Variants in UVRAG observed in about 807,000 individuals in gnomAD.
UVRAG encodes the protein UV radiation resistance-associated gene protein.
In UVRAG, 19 loss-of-function variants were observed where a neutral mutation model predicts 78.0. The observed-to-expected ratio is 0.24, with a 90% confidence interval of 0.17 to 0.36. The LOEUF is 0.36. Among genes scored for constraint, UVRAG ranks in the 10% least tolerant of loss-of-function variants. The pLI is 1.00. For synonymous variants in UVRAG, 323 were observed against 324.6 expected (o/e 1.00, Z 0.05); for missense variants, 740 against 853.8 (o/e 0.87, Z 1.66).
chr11:76,066,934 G>A (rs993470730), intron 13 of UVRAG, among the ~76,000 whole-genome samples: 4 of 152,062 alleles, frequency 2.6e-5, no homozygotes, highest in African/African-American at 9.7e-5. Flanking sequence ...TAAGATTTAC[G>A]ATGCTTTTGT....
chr11:75,998,054 A>G (rs3098810), intron 8 of UVRAG, among the ~76,000 whole-genome samples: 59,489 of 152,086 alleles, frequency 0.39, 14,027 homozygotes, highest in Non-Finnish European at 0.52. Context: ...AACTCTACTC[A>G]AGAGTGAAAT....
intron 14 of UVRAG, among the ~76,000 whole-genome samples, chr11:76,131,917 C>G (rs551882237): frequency 6.6e-5 from 10 of 152,306 alleles, no homozygotes; most frequent in African/African-American, 2.2e-4. Context: ...GGATAAATCC[C>G]AACCTTTGCT....
At chr11:76,032,533 A>G (rs753708664) in intron 12 of UVRAG, among the ~76,000 whole-genome samples, 5 of 152,228 alleles carry the variant, frequency 3.3e-5, no homozygotes, top group Non-Finnish European at 5.9e-5. Context: ...ACTAGGACAT[A>G]CTAGTCACTG....
intron 8 of UVRAG, among the ~76,000 whole-genome samples, chr11:75,992,377 C>T (rs191947288): frequency 4.6e-5 from 7 of 152,246 alleles, no homozygotes; most frequent in African/African-American, 1.2e-4. Flanking sequence ...TGAGTTTGTA[C>T]TTGAAGTGCC....
At chr11:75,911,645 C>A in intron 5 of UVRAG, 1 of 226,294 alleles carries the variant, frequency 4.4e-6, no homozygotes, top group Non-Finnish European at 8.6e-6. Flanking sequence ...TGTCTTCCTC[C>A]ATGGCTGGGG....
intron 8 of UVRAG, among the ~76,000 whole-genome samples, chr11:76,003,362 C>T (rs1949860098): frequency 6.8e-6 from 1 of 148,106 alleles, no homozygotes; most frequent in Non-Finnish European, 1.5e-5. Flanking sequence ...ACCTCCACCT[C>T]CCAGGTTCAA....
intron 3 of UVRAG, among the ~76,000 whole-genome samples, chr11:75,876,519 TG>T (rs766123196): frequency 2.1e-4 from 32 of 152,362 alleles, no homozygotes; most frequent in Admixed American, 3.9e-4. Flanking sequence ...AGATACAGAC[TG>T]GAGGTCATTT....
intron 5 of UVRAG, among the ~76,000 whole-genome samples, chr11:75,899,716 G>T (rs528634740): frequency 3.3e-5 from 5 of 152,202 alleles, no homozygotes; most frequent in Non-Finnish European, 5.9e-5. Flanking sequence ...GTTGTGCATT[G>T]TGGGAATCAA....
At chr11:76,022,584 A>G (rs1341454056) in intron 12 of UVRAG, among the ~76,000 whole-genome samples, 1 of 152,202 alleles carries the variant, frequency 6.6e-6, no homozygotes, top group Admixed American at 6.5e-5. Flanking sequence ...TGATATTAGT[A>G]TGACCACCCC....
At chr11:75,973,859 T>C (rs1213282155) in intron 7 of UVRAG, among the ~76,000 whole-genome samples, 3 of 152,232 alleles carry the variant, frequency 2.0e-5, no homozygotes, top group East Asian at 3.8e-4. Context: ...TCCAGCTTCA[T>C]CCATGTCACT....
At chr11:75,944,736 AG>A (rs1948556653) in intron 6 of UVRAG, among the ~76,000 whole-genome samples, 1 of 152,188 alleles carries the variant, frequency 6.6e-6, no homozygotes, top group Admixed American at 6.5e-5. Flanking sequence ...TAACGGAATT[AG>A]TAAATAAGAT....
In UVRAG at chr11:75,957,018, A is replaced by T. The variant is rs536824634; in HGVS notation, c.594-4426A>T. Reference sequence around the variant, plus strand: ...AGTCTATGGACTGTTTTTTTTTTTAAATTTTCCTAATGGGAGCTTTGTTAA... The same window carrying T: ...AGTCTATGGACTGTTTTTTTTTTTATATTTTCCTAATGGGAGCTTTGTTAA... On this transcript the variant is annotated intron_variant, in intron 6 of 14. Coordinates refer to ENST00000356136, the MANE Select transcript of UVRAG (RefSeq NM_003369.4). 3.6e-3 allele frequency among the ~76,000 whole-genome samples: 547 copies of T among 150,702 alleles called. 2 individuals are homozygous for T. The highest frequency in any genetic ancestry group is 0.013 in the African/African-American group (522 of 41,094).
intron 7 of UVRAG, among the ~76,000 whole-genome samples, chr11:75,967,084 T>C (rs1456768224): frequency 6.6e-6 from 1 of 152,218 alleles, no homozygotes; most frequent in Non-Finnish European, 1.5e-5. Context: ...TTATTGGTTG[T>C]TTATGCCAAG....
Position 75,966,271 on chromosome 11 carries a change from G to A in UVRAG, c.699+4722G>A, listed in dbSNP as rs183487239. Among the ~76,000 whole-genome samples, 106 of 151,190 alleles carry A rather than the reference G, an allele frequency of 7.0e-4. 1 individual carries two copies. Among genetic ancestry groups the A allele is most frequent in the African/African-American group, 2.5e-3 (102 of 41,218 alleles). ...TTATTCTTATAAATTTTTTTCCTTC[G>A]TATTGTCTTGGATTTGCTTTGGTAA... On this transcript the variant is annotated intron_variant, in intron 7 of 14. Coordinates refer to ENST00000356136, the MANE Select transcript of UVRAG (RefSeq NM_003369.4).
intron 4 of UVRAG, among the ~76,000 whole-genome samples, chr11:75,881,468 G>A (rs1946942674): frequency 6.6e-6 from 1 of 152,198 alleles, no homozygotes; most frequent in African/African-American, 2.4e-5. Context: ...CCATTCCAAA[G>A]GCGGCAAATC....
intron 3 of UVRAG, among the ~76,000 whole-genome samples, chr11:75,863,039 T>A (rs1946455983): frequency 6.6e-6 from 1 of 152,214 alleles, no homozygotes; most frequent in Non-Finnish European, 1.5e-5. Flanking sequence ...CAACAACTTT[T>A]GCAGAGTCAG....
chr11:75,831,799 G>A (rs1045261534), intron 1 of UVRAG, among the ~76,000 whole-genome samples: 2 of 152,134 alleles, frequency 1.3e-5, no homozygotes, highest in African/African-American at 2.4e-5. Context: ...TGAAAATATC[G>A]CTAAGTCAAA....
At chr11:75,891,316 T>C (rs1947209476) in intron 5 of UVRAG, among the ~76,000 whole-genome samples, 1 of 152,188 alleles carries the variant, frequency 6.6e-6, no homozygotes, top group Non-Finnish European at 1.5e-5. Context: ...ATGAAATAAT[T>C]ATGGGATTGC....
chr11:75,871,945 T>C (rs745992819), intron 3 of UVRAG, among the ~76,000 whole-genome samples: 1 of 152,224 alleles, frequency 6.6e-6, no homozygotes, highest in Non-Finnish European at 1.5e-5. Flanking sequence ...ATATTTATGT[T>C]GTGGAGCACT....
Sources: gnomAD v4.1 joint callset for allele counts (sites outside exome capture counted in the v4.1 genomes callset) on GRCh38, gnomAD v4.1.1 for gene constraint, MANE v1.5 for transcripts, NCBI Gene and HGNC (gene_info 2026-07-23, HGNC 2026-07-21) for gene names.